CMIP: variants seen among roughly 807,000 people sequenced by gnomAD.
CMIP encodes c-Maf inducing protein, also known as C-Maf-inducing protein.
CMIP carries 13 observed loss-of-function variants against 97.3 expected under a neutral mutation model. The ratio of observed to expected loss-of-function variants is 0.13; its 90% CI spans 0.09 to 0.21. The LOEUF is 0.21. CMIP is among the 10% of genes least tolerant of loss of function. The probability of loss-of-function intolerance (pLI) is 1.00; values close to 1 mark genes in which losing one functional copy is unlikely to be tolerated. For synonymous variants in CMIP, 538 were observed against 436.3 expected (o/e 1.23, Z -2.91); for missense variants, 847 against 1,024.9 (o/e 0.83, Z 2.37).
At chr16:81,445,667 C>A (rs35270463) in intron 1 of CMIP, 126 bp downstream of exon 1, 2 of 1,087,470 alleles carry the variant, frequency 1.8e-6, no homozygotes, top group Admixed American at 2.7e-5. Flanking sequence ...GCCGGGGGAA[C>A]GGGGAGAACC....
intron 1 of CMIP, among the ~76,000 whole-genome samples, chr16:81,539,498 C>G (rs137885662): frequency 9.2e-5 from 14 of 152,216 alleles, no homozygotes; most frequent in Non-Finnish European, 8.8e-5. Flanking sequence ...CATCTCTGCT[C>G]AAGAATCCTT....
chr16:81,503,520 C>T (rs2150781287), intron 1 of CMIP, among the ~76,000 whole-genome samples: 1 of 152,294 alleles, frequency 6.6e-6, no homozygotes, highest in African/African-American at 2.4e-5. Context: ...CCTCAGCCTC[C>T]CGAGTAGGTG....
intron 2 of CMIP, chr16:81,620,566 G>T (rs1167497217): frequency 3.3e-6 from 1 of 301,284 alleles, no homozygotes; most frequent in Non-Finnish European, 6.4e-6. Flanking sequence ...TCCCTCCCAT[G>T]CCCCTAAGTC....
chr16:81,600,675 G>A (rs551361370), intron 1 of CMIP, among the ~76,000 whole-genome samples: 1 of 152,326 alleles, frequency 6.6e-6, no homozygotes, highest in Admixed American at 6.5e-5. Flanking sequence ...TGGTGACACA[G>A]CATCAGGAAT....
chr16:81,650,118 A>C (rs2092410267), intron 3 of CMIP, among the ~76,000 whole-genome samples: 1 of 152,190 alleles, frequency 6.6e-6, no homozygotes, highest in African/African-American at 2.4e-5. Context: ...CACTGTCACC[A>C]TCGTCAACAT....
chr16:81,596,436 G>C (rs1423963237), intron 1 of CMIP, among the ~76,000 whole-genome samples: 2 of 151,270 alleles, frequency 1.3e-5, no homozygotes, highest in Non-Finnish European at 2.9e-5. Context: ...AAGCCAAGGA[G>C]GCAGAGGTTG....
intron 1 of CMIP, among the ~76,000 whole-genome samples, chr16:81,508,761 G>T (rs567686652): frequency 6.6e-6 from 1 of 152,354 alleles, no homozygotes; most frequent in East Asian, 1.9e-4. Context: ...TGCAGGCCTG[G>T]GATGGTGTGC....
intron 3 of CMIP, among the ~76,000 whole-genome samples, chr16:81,636,458 G>A (rs55785507): frequency 0.42 from 64,244 of 151,448 alleles, 14,158 homozygotes; most frequent in East Asian, 0.58. Context: ...GCAGGCGCCC[G>A]TAATCCCAGC....
At chr16:81,705,691 T>C in intron 19 of CMIP, 87 bp downstream of exon 19, 1 of 786,090 alleles carries the variant, frequency 1.3e-6, no homozygotes, top group South Asian at 1.6e-5. Flanking sequence ...GCACTGACTT[T>C]GCACCATGCA....
At chr16:81,514,400 A>G (rs1032881865) in intron 1 of CMIP, among the ~76,000 whole-genome samples, 1 of 152,204 alleles carries the variant, frequency 6.6e-6, no homozygotes, top group Non-Finnish European at 1.5e-5. Context: ...GAACGAGGCT[A>G]ACTTGGGGTG....
intron 1 of CMIP, among the ~76,000 whole-genome samples, chr16:81,466,574 G>C (rs1489490571): frequency 6.6e-6 from 1 of 152,202 alleles, no homozygotes; most frequent in Non-Finnish European, 1.5e-5. Context: ...GCATAACTGA[G>C]ACATTGCTCA....
Position 81,600,047 on chromosome 16 carries a change from G to C in CMIP, c.301-7520G>C, listed in dbSNP as rs113818394. On this transcript the variant is annotated intron_variant, in intron 1 of 20. Coordinates refer to ENST00000537098, the MANE Select transcript of CMIP (RefSeq NM_198390.3). ...TGTAATCCCAGCACTTTGGGAGGCA[G>C]AGGTGGGTGGATCACAAGGTCAGGA... 4.0e-4 allele frequency among the ~76,000 whole-genome samples: 61 copies of C among 152,142 alleles called. 3 individuals carry two copies. The highest frequency in any genetic ancestry group is 1.4e-3 in the African/African-American group (60 of 41,500).
intron 1 of CMIP, among the ~76,000 whole-genome samples, chr16:81,506,879 T>C (rs2089718871): frequency 7.3e-6 from 1 of 137,860 alleles, no homozygotes; most frequent in Non-Finnish European, 1.5e-5. Context: ...CACTCCAGCC[T>C]GGATGACAGA....
intron 1 of CMIP, among the ~76,000 whole-genome samples, chr16:81,485,610 T>C (rs1391357428): frequency 1.3e-5 from 2 of 152,244 alleles, no homozygotes; most frequent in East Asian, 3.8e-4. Flanking sequence ...ACTGATGGCC[T>C]ATTTATTTAG....
intron 3 of CMIP, 58 bp downstream of exon 3, chr16:81,620,984 A>G (rs1329630768): frequency 8.1e-6 from 13 of 1,601,254 alleles, no homozygotes; most frequent in South Asian, 2.2e-5. Flanking sequence ...CGATGGCTTA[A>G]AGCCAATCTG....
intron 1 of CMIP, among the ~76,000 whole-genome samples, chr16:81,510,619 A>G (rs931322354): frequency 6.6e-6 from 1 of 152,036 alleles, no homozygotes; most frequent in Non-Finnish European, 1.5e-5. Context: ...ACACTTCACT[A>G]CCACCTTTCT....
At chr16:81,478,242 A>G (rs931821569) in intron 1 of CMIP, among the ~76,000 whole-genome samples, 2 of 152,192 alleles carry the variant, frequency 1.3e-5, no homozygotes, top group Non-Finnish European at 2.9e-5. Context: ...TTTGAAAGCC[A>G]CTCACATGTA....
At chr16:81,540,394 C>T (rs903709500) in intron 1 of CMIP, among the ~76,000 whole-genome samples, 3 of 152,168 alleles carry the variant, frequency 2.0e-5, no homozygotes, top group African/African-American at 4.8e-5. Flanking sequence ...CCTTGACCTC[C>T]CAGGCTCAAG....
chr16:81,471,522 A>C (rs1009647069), intron 1 of CMIP, among the ~76,000 whole-genome samples: 1 of 151,906 alleles, frequency 6.6e-6, no homozygotes, highest in East Asian at 1.9e-4. Flanking sequence ...GCAGACATGT[A>C]ATACACATAC....
Sources: gnomAD v4.1 joint callset for allele counts (sites outside exome capture counted in the v4.1 genomes callset) on GRCh38, gnomAD v4.1.1 for gene constraint, MANE v1.5 for transcripts, NCBI Gene and HGNC (gene_info 2026-07-23, HGNC 2026-07-21) for gene names.